The following CADM2 variants were observed in gnomAD, a reference collection of about 807,000 sequenced individuals.
CADM2 encodes immunoglobulin superfamily member 4D.
CADM2 carries 12 observed loss-of-function variants against 49.8 expected under a neutral mutation model. The ratio of observed to expected loss-of-function variants is 0.24; its 90% CI spans 0.15 to 0.39. The LOEUF is 0.39. Ranked by LOEUF, CADM2 falls within the 10% of genes least tolerant of loss-of-function variation. The pLI is 1.00. For missense variants in CADM2, 378 were observed against 492.3 expected, an observed-to-expected ratio of 0.77 and a Z score of 2.20; for synonymous variants, 214 against 175.4, an observed-to-expected ratio of 1.22 and a Z score of -1.74.
intron 1 of CADM2, among the ~76,000 whole-genome samples, chr3:85,382,614 G>A (rs1485144171): frequency 6.6e-6 from 1 of 151,974 alleles, no homozygotes; most frequent in Non-Finnish European, 1.5e-5. Flanking sequence ...TCTTTGATTA[G>A]ATATAATATT....
intron 1 of CADM2, among the ~76,000 whole-genome samples, chr3:85,650,172 C>T (rs1473951886): frequency 2.0e-5 from 3 of 152,148 alleles, no homozygotes; most frequent in African/African-American, 7.2e-5. Flanking sequence ...GCCGGCAGCT[C>T]TTCTTCGCCA....
chr3:85,859,680 A>G (rs964922018), intron 3 of CADM2, among the ~76,000 whole-genome samples: 1 of 152,174 alleles, frequency 6.6e-6, no homozygotes, highest in African/African-American at 2.4e-5. Context: ...ATTTCGGTCA[A>G]TACTGTCTCA....
intron 1 of CADM2, among the ~76,000 whole-genome samples, chr3:85,215,395 T>C (rs2041900503): frequency 6.6e-6 from 1 of 151,476 alleles, no homozygotes; most frequent in Admixed American, 6.6e-5. Flanking sequence ...AAAAAACTTT[T>C]ATTTTAAGTT....
chr3:85,896,127 C>T (rs761762092), intron 5 of CADM2, among the ~76,000 whole-genome samples: 11 of 151,992 alleles, frequency 7.2e-5, no homozygotes, highest in Non-Finnish European at 1.5e-4. Flanking sequence ...CCTCTCTCTA[C>T]AAAAAATTTA....
chr3:85,787,900 G>A (rs571771769), intron 2 of CADM2, among the ~76,000 whole-genome samples: 4 of 152,138 alleles, frequency 2.6e-5, no homozygotes, highest in Admixed American at 2.6e-4. Context: ...ATATTTTTCA[G>A]TTCTTTCAAC....
chr3:85,105,669 C>T (rs1262179214), intron 1 of CADM2, among the ~76,000 whole-genome samples: 1 of 152,198 alleles, frequency 6.6e-6, no homozygotes, highest in East Asian at 1.9e-4. Flanking sequence ...ACACTATTCA[C>T]AATAGCAAAG....
chr3:86,051,956 T>C (rs1173592124), intron 8 of CADM2, among the ~76,000 whole-genome samples: 1 of 142,340 alleles, frequency 7.0e-6, no homozygotes. Flanking sequence ...CTAAATCATA[T>C]CAGTGACTTT....
intron 1 of CADM2, among the ~76,000 whole-genome samples, chr3:85,567,477 TTTCCCCTACAA>T (rs1161761713): frequency 1.3e-5 from 2 of 152,202 alleles, no homozygotes; most frequent in Admixed American, 1.3e-4. Flanking sequence ...AAGAGATTAT[TTTCCCCTACAA>T]TTGGATTACA....
In CADM2 at chr3:85,958,097, C is replaced by T. The variant is rs551855483; in HGVS notation, c.792-3372C>T. Among the ~76,000 whole-genome samples, 10 of 152,004 alleles carry T rather than the reference C, an allele frequency of 6.6e-5. 1 individual carries two copies. The highest frequency in any genetic ancestry group is 2.4e-4 in the African/African-American group (10 of 41,524). ...TCTACAAGGAGCTTAAACCAATTTA[C>T]AAGATAAAAAACAACAACCCCATCT... is the stretch of plus-strand genomic sequence containing the variant. On this transcript the variant is annotated intron_variant, in intron 7 of 9. Transcript: ENST00000383699.
chr3:85,518,782 G>A (rs963475412), intron 1 of CADM2, among the ~76,000 whole-genome samples: 12 of 151,928 alleles, frequency 7.9e-5, no homozygotes, highest in Non-Finnish European at 1.5e-5. Context: ...ACATTGTAAT[G>A]GCATTTAAGG....
intron 3 of CADM2, among the ~76,000 whole-genome samples, chr3:85,830,435 C>T (rs573503908): frequency 6.6e-6 from 1 of 152,048 alleles, no homozygotes; most frequent in South Asian, 2.1e-4. Context: ...CCCTTTATCA[C>T]ATAAATGGTC....
chr3:85,357,886 C>T (rs894000789), intron 1 of CADM2, among the ~76,000 whole-genome samples: 3 of 152,018 alleles, frequency 2.0e-5, no homozygotes, highest in Non-Finnish European at 4.4e-5. Flanking sequence ...TAAAACAGAA[C>T]GCTAACCAGG....
intron 3 of CADM2, among the ~76,000 whole-genome samples, chr3:85,854,779 T>G (rs750406523): frequency 6.6e-6 from 1 of 152,120 alleles, no homozygotes; most frequent in Non-Finnish European, 1.5e-5. Context: ...TAAAGTATAA[T>G]AAAACAAATT....
intron 1 of CADM2, among the ~76,000 whole-genome samples, chr3:85,410,961 G>A (rs1405694290): frequency 1.3e-5 from 2 of 152,152 alleles, no homozygotes; most frequent in Non-Finnish European, 2.9e-5. Flanking sequence ...AATTGGGTAG[G>A]CCAATAACCC....
intron 1 of CADM2, among the ~76,000 whole-genome samples, chr3:85,409,149 A>T (rs969723182): frequency 2.0e-5 from 3 of 152,106 alleles, no homozygotes; most frequent in African/African-American, 7.2e-5. Context: ...CTTAAACATT[A>T]TTCCAGATTT....
At chr3:85,881,854 A>T (rs1712832697) in intron 3 of CADM2, among the ~76,000 whole-genome samples, 1 of 152,078 alleles carries the variant, frequency 6.6e-6, no homozygotes, top group Non-Finnish European at 1.5e-5. Flanking sequence ...AAATTGTTTG[A>T]TCTCAAATCA....
At chr3:86,043,102 G>A (rs958439304) in intron 8 of CADM2, among the ~76,000 whole-genome samples, 10 of 152,130 alleles carry the variant, frequency 6.6e-5, no homozygotes, top group African/African-American at 2.4e-4. Flanking sequence ...AGCTATCTAT[G>A]ACAAACCCAC....
intron 1 of CADM2, among the ~76,000 whole-genome samples, chr3:85,072,162 C>A (rs1290026343): frequency 1.3e-5 from 2 of 151,872 alleles, no homozygotes; most frequent in South Asian, 2.1e-4. Flanking sequence ...ATTAAACATT[C>A]TTTTCTCATG....
chr3:85,371,016 T>C (rs1007048199), intron 1 of CADM2, among the ~76,000 whole-genome samples: 1 of 152,200 alleles, frequency 6.6e-6, no homozygotes, highest in Non-Finnish European at 1.5e-5. Flanking sequence ...AGTTTTGTAT[T>C]TTATACAGGT....
Sources: allele counts gnomAD v4.1 joint callset (sites outside exome capture counted in the v4.1 genomes callset), GRCh38; gene constraint gnomAD v4.1.1; transcripts MANE v1.5; gene names NCBI Gene and HGNC (gene_info 2026-07-23, HGNC 2026-07-21).